RPS6KC1: variants seen among roughly 807,000 people sequenced by gnomAD.
The protein encoded by RPS6KC1 is ribosomal protein S6 kinase C1.
In RPS6KC1, 54 loss-of-function variants were observed where a neutral mutation model predicts 103.8. The observed-to-expected ratio is 0.52, with a 90% confidence interval of 0.42 to 0.65. RPS6KC1 has a LOEUF of 0.65. Ranked by LOEUF, RPS6KC1 falls within the 30% of genes least tolerant of loss-of-function variation. The pLI, the probability that RPS6KC1 is intolerant of heterozygous loss-of-function variation, is 0.00. For synonymous variants in RPS6KC1, 439 were observed against 438.7 expected (o/e 1.00, Z -0.01); for missense variants, 1,151 against 1,253.8 (o/e 0.92, Z 1.24).
the RPS6KC1 span, among the ~76,000 whole-genome samples, chr1:213,424,924 C>A: frequency 6.6e-6 from 1 of 152,132 alleles, no homozygotes; most frequent in Non-Finnish European, 1.5e-5. Context: ...CCTCAGCTTG[C>A]CTCTGTCCCA....
chr1:213,573,834 A>T, the RPS6KC1 span, among the ~76,000 whole-genome samples: 1 of 152,238 alleles, frequency 6.6e-6, no homozygotes, highest in Non-Finnish European at 1.5e-5. Flanking sequence ...GCCAGGCTCT[A>T]TGCCACAAAC....
the RPS6KC1 span, among the ~76,000 whole-genome samples, chr1:213,346,830 C>CTTG: frequency 6.6e-6 from 1 of 152,144 alleles, no homozygotes; most frequent in Admixed American, 6.6e-5. Flanking sequence ...GTTTAGCCTG[C>CTTG]TTGTCTCAGG....
At chr1:213,165,670 A>G (rs376627041) in intron 6 of RPS6KC1, among the ~76,000 whole-genome samples, 164 of 152,068 alleles carry the variant, frequency 1.1e-3, no homozygotes, top group Non-Finnish European at 2.0e-3. Flanking sequence ...TGATCTGCCC[A>G]CCTTGGCCTC....
chr1:213,633,124 T>G, the RPS6KC1 span, among the ~76,000 whole-genome samples: 3 of 152,256 alleles, frequency 2.0e-5, no homozygotes, highest in East Asian at 1.9e-4. Flanking sequence ...AAAACACTCT[T>G]GAGGATATAA....
chr1:213,111,392 A>G (rs1392322671), intron 4 of RPS6KC1, among the ~76,000 whole-genome samples: 1 of 152,198 alleles, frequency 6.6e-6, no homozygotes, highest in Non-Finnish European at 1.5e-5. Flanking sequence ...TTTTTGAATT[A>G]GAAGTTTAAA....
At chr1:213,388,790 G>T in the RPS6KC1 span, among the ~76,000 whole-genome samples, 3 of 152,194 alleles carry the variant, frequency 2.0e-5, no homozygotes, top group Non-Finnish European at 4.4e-5. Context: ...ATCTTCAGCG[G>T]GGGCCTGTAA....
the RPS6KC1 span, among the ~76,000 whole-genome samples, chr1:213,430,973 C>A: frequency 2.0e-5 from 3 of 150,630 alleles, no homozygotes; most frequent in Admixed American, 6.6e-5. Flanking sequence ...TCGCGCTTGC[C>A]GTTGTTTCAG....
intron 6 of RPS6KC1, among the ~76,000 whole-genome samples, chr1:213,154,177 C>T (rs2089597362): frequency 6.6e-6 from 1 of 152,230 alleles, no homozygotes; most frequent in African/African-American, 2.4e-5. Context: ...GGGGCCACCA[C>T]CACTATGACT....
chr1:213,719,874 C>G, the RPS6KC1 span, among the ~76,000 whole-genome samples: 1 of 152,126 alleles, frequency 6.6e-6, no homozygotes, highest in South Asian at 2.1e-4. Context: ...TTAGCTAGAC[C>G]AGATATTTGT....
the RPS6KC1 span, among the ~76,000 whole-genome samples, chr1:213,354,860 A>T: frequency 6.6e-6 from 1 of 152,178 alleles, no homozygotes; most frequent in Non-Finnish European, 1.5e-5. Context: ...CACATTGGGG[A>T]TTAAATTTGA....
chr1:213,632,153 C>T, the RPS6KC1 span, among the ~76,000 whole-genome samples: 1 of 152,202 alleles, frequency 6.6e-6, no homozygotes, highest in African/African-American at 2.4e-5. Context: ...TTTATTCACT[C>T]ACCCAATGAA....
chr1:213,072,130 C>T (rs58303208), intron 2 of RPS6KC1, among the ~76,000 whole-genome samples: 1,595 of 151,144 alleles, frequency 0.011, 30 homozygotes, highest in African/African-American at 0.032. Flanking sequence ...CCTGATTCTG[C>T]AACAGTATTG....
At chr1:213,647,695 C>G in the RPS6KC1 span, among the ~76,000 whole-genome samples, 1 of 152,106 alleles carries the variant, frequency 6.6e-6, no homozygotes, top group Non-Finnish European at 1.5e-5. Flanking sequence ...GGCTCCCAAA[C>G]GTTTTCTGTT....
At chr1:213,067,520 A>T (rs1208502187) in intron 1 of RPS6KC1, among the ~76,000 whole-genome samples, 1 of 152,078 alleles carries the variant, frequency 6.6e-6, no homozygotes, top group Non-Finnish European at 1.5e-5. Context: ...TGCTTTTGGG[A>T]TGCCACTTTG....
At chr1:213,639,469 G>A in the RPS6KC1 span, among the ~76,000 whole-genome samples, 3 of 152,058 alleles carry the variant, frequency 2.0e-5, no homozygotes, top group South Asian at 6.2e-4. Context: ...AAGGGCTGGG[G>A]TGGAGCAGGG....
the RPS6KC1 span, among the ~76,000 whole-genome samples, chr1:213,418,806 G>C: frequency 1.1e-4 from 17 of 152,174 alleles, no homozygotes; most frequent in East Asian, 3.1e-3. Context: ...TTCCTCCCCC[G>C]GGGTGAGCGT....
the RPS6KC1 span, among the ~76,000 whole-genome samples, chr1:213,637,361 A>G: frequency 2.0e-5 from 3 of 148,742 alleles, no homozygotes; most frequent in Non-Finnish European, 4.5e-5. Context: ...ATGACTTGGA[A>G]CCAACCCAAA....
At chr1:213,752,997 C>T in the RPS6KC1 span, among the ~76,000 whole-genome samples, 1 of 152,138 alleles carries the variant, frequency 6.6e-6, no homozygotes, top group East Asian at 1.9e-4. Flanking sequence ...CGTCAGTTTC[C>T]AGTTTTTCCC....
chr1:213,559,593 A>AGGC, the RPS6KC1 span, among the ~76,000 whole-genome samples: 2 of 152,220 alleles, frequency 1.3e-5, no homozygotes, highest in African/African-American at 4.8e-5. Flanking sequence ...ATAAGAACAA[A>AGGC]ATTTGGACAC....
Sources: gnomAD v4.1 joint callset for allele counts (sites outside exome capture counted in the v4.1 genomes callset) on GRCh38, gnomAD v4.1.1 for gene constraint, MANE v1.5 for transcripts, NCBI Gene and HGNC (gene_info 2026-07-23, HGNC 2026-07-21) for gene names.